The following CCDC91 variants were observed in gnomAD, a reference collection of about 807,000 sequenced individuals.
CCDC91 encodes the protein coiled-coil domain-containing protein 91.
A neutral mutation model predicts 63.2 loss-of-function variants in CCDC91; 48 were observed. The observed-to-expected ratio is 0.76, with a 90% confidence interval of 0.60 to 0.97. The LOEUF is 0.97. Ranked by LOEUF, CCDC91 falls within the 50% of genes least tolerant of loss-of-function variation. CCDC91 has a pLI of 0.00. For synonymous variants in CCDC91, 167 were observed against 165.8 expected (o/e 1.01, Z -0.06); for missense variants, 500 against 494.6 (o/e 1.01, Z -0.10).
intron 1 of CCDC91, chr12:28,236,556 T>C (rs990287264): frequency 1.3e-5 from 2 of 152,022 alleles, no homozygotes; most frequent in African/African-American, 4.8e-5. Context: ...TATAAAAGTT[T>C]ATAAATTATA....
Position 28,473,710 on chromosome 12 carries a change from G to T in CCDC91, c.1102-10342G>T, listed in dbSNP as rs1232665223. ...CAACAAATCATCTGACTCATGAAGA[G>T]CCAAGAAAACTACTCAAAAATCATT... On this transcript the variant is annotated intron_variant, in intron 11 of 12. Transcript: ENST00000536442. 5.9e-5 allele frequency among the ~76,000 whole-genome samples: 9 copies of T among 152,062 alleles called. No homozygotes were observed. In the East Asian group the frequency reaches 1.5e-3, roughly 26 times the overall value.
chr12:28,203,118 T>C (rs550007636), intron 1 of CCDC91, among the ~76,000 whole-genome samples: 9 of 152,338 alleles, frequency 5.9e-5, no homozygotes, highest in African/African-American at 2.2e-4. Context: ...TTTATTGTGA[T>C]TTTTGAGCCT....
At chr12:28,371,975 T>C (rs753609731) in intron 7 of CCDC91, among the ~76,000 whole-genome samples, 1 of 152,236 alleles carries the variant, frequency 6.6e-6, no homozygotes, top group South Asian at 2.1e-4. Context: ...TTTTGGGTCT[T>C]AGATTTAAGT....
rs1555168627 is a variant in CCDC91 at position 28,259,482 on chromosome 12, T to TTC, written c.109+40_109+41insTC. 1,972 of 1,280,074 alleles carry TTC rather than the reference T, an allele frequency of 1.5e-3. 4 individuals carry two copies. Among genetic ancestry groups the TTC allele is most frequent in the East Asian group, 3.6e-3 (149 of 40,966 alleles). The allele number at this position is 1,280,074 out of a possible 1,614,324, so 79.3% of individuals were successfully genotyped here. On this transcript the variant is annotated intron_variant, in intron 3 of 12. Transcript: ENST00000536442. ...GAATTAGGGTTTTTTTTTTTTTTTT[T>TTC]CCCATGTAACATTTTTGGCAACTCT... is the stretch of plus-strand genomic sequence containing the variant.
intron 11 of CCDC91, among the ~76,000 whole-genome samples, chr12:28,474,588 C>T (rs997517304): frequency 9.2e-5 from 14 of 151,880 alleles, no homozygotes; most frequent in African/African-American, 3.1e-4. Context: ...TATAGATTTA[C>T]TCAAATCCAT....
At chr12:28,430,446 A>C (rs1432225121) in intron 8 of CCDC91, among the ~76,000 whole-genome samples, 1 of 152,104 alleles carries the variant, frequency 6.6e-6, no homozygotes, top group South Asian at 2.1e-4. Context: ...TATTACTAAC[A>C]TTATATTTAT....
chr12:28,243,281 G>A (rs781174397), intron 1 of CCDC91, among the ~76,000 whole-genome samples: 7 of 152,122 alleles, frequency 4.6e-5, no homozygotes, highest in Non-Finnish European at 8.8e-5. Context: ...ACTGGGAGGC[G>A]ATCGTATAAG....
chr12:28,375,806 G>T (rs191382545), intron 7 of CCDC91, among the ~76,000 whole-genome samples: 32 of 151,910 alleles, frequency 2.1e-4, no homozygotes, highest in African/African-American at 7.0e-4. Flanking sequence ...ATATGCACTC[G>T]CTCAGACTTC....
At chr12:28,450,865 T>G (rs1052501081) in intron 10 of CCDC91, among the ~76,000 whole-genome samples, 1 of 151,730 alleles carries the variant, frequency 6.6e-6, no homozygotes, top group Non-Finnish European at 1.5e-5. Flanking sequence ...AAAATTAAAT[T>G]TAGCAAACAA....
At chr12:28,196,938 A>G (rs1293365280) in intron 1 of CCDC91, among the ~76,000 whole-genome samples, 5 of 152,126 alleles carry the variant, frequency 3.3e-5, no homozygotes, top group African/African-American at 9.7e-5. Flanking sequence ...TGTAATGGTT[A>G]TGGGTTATTG....
At chr12:28,289,612 T>C (rs367783817) in intron 3 of CCDC91, among the ~76,000 whole-genome samples, 1 of 152,024 alleles carries the variant, frequency 6.6e-6, no homozygotes, top group South Asian at 2.1e-4. Context: ...GTGGTCAGTT[T>C]CAGAATACAT....
chr12:28,510,093 G>T (rs1052687120), intron 12 of CCDC91, among the ~76,000 whole-genome samples: 2 of 151,198 alleles, frequency 1.3e-5, no homozygotes, highest in Non-Finnish European at 2.9e-5. Context: ...TGGAGAAGCT[G>T]GTTTTTGATA....
intron 6 of CCDC91, among the ~76,000 whole-genome samples, chr12:28,346,563 G>GT (rs1942827668): frequency 6.6e-6 from 1 of 152,180 alleles, no homozygotes; most frequent in South Asian, 2.1e-4. Context: ...TATTGAATTC[G>GT]TTTTTTGCTT....
intron 3 of CCDC91, among the ~76,000 whole-genome samples, chr12:28,271,056 G>A (rs1423799338): frequency 3.9e-5 from 6 of 152,100 alleles, no homozygotes; most frequent in Non-Finnish European, 7.4e-5. Context: ...CCAGCATAGC[G>A]TGTAATAAAG....
intron 3 of CCDC91, among the ~76,000 whole-genome samples, chr12:28,292,312 C>T (rs1484656711): frequency 6.6e-6 from 1 of 152,130 alleles, no homozygotes. Flanking sequence ...GAAAGTCTAC[C>T]GTTTTCAATT....
chr12:28,305,527 C>G lies in CCDC91; in HGVS notation c.110-122C>G, dbSNP rs538892956. The stretch of plus-strand genomic sequence containing the variant: ...GAATCCTGATTTTTCACTCTCATTG[C>G]TTTTACTTTCCTTACTTTTTTCTTT... On this transcript the variant is annotated intron_variant, in intron 3 of 12. Transcript: ENST00000536442. 2.0e-4 allele frequency: 168 copies of G among 833,214 alleles called. 3 individuals are homozygous for G. The South Asian group carries it at 3.8e-3, about 19-fold the overall frequency. 51.6% of individuals were successfully genotyped at this position (833,214 alleles called of 1,614,324 possible).
intron 8 of CCDC91, among the ~76,000 whole-genome samples, chr12:28,437,436 T>C (rs1948969224): frequency 6.6e-6 from 1 of 152,098 alleles, no homozygotes; most frequent in South Asian, 2.1e-4. Flanking sequence ...CTTTTACAAA[T>C]AATCCATTGT....
rs1234547708 is a variant in CCDC91, at chr12:28,411,225, G to A, written c.762+19814G>A. On this transcript the variant is annotated intron_variant, in intron 8 of 12. Transcript: ENST00000536442. Reference sequence around the variant, plus strand: ...TCAGACATTGTTACAGATTTTTTAAGGTTTTCTTTTTGAAAAAAAAAAGTA... The same window carrying A: ...TCAGACATTGTTACAGATTTTTTAAAGTTTTCTTTTTGAAAAAAAAAAGTA... Among the ~76,000 whole-genome samples, 8 of 151,358 alleles carry A rather than the reference G, an allele frequency of 5.3e-5. No individual in the cohort carries two copies. The East Asian group carries it at 1.5e-3, about 29-fold the overall frequency.
At chr12:28,396,986 T>G (rs192535563) in intron 8 of CCDC91, among the ~76,000 whole-genome samples, 33 of 152,192 alleles carry the variant, frequency 2.2e-4, no homozygotes, top group African/African-American at 7.7e-4. Context: ...CCTAAGTATA[T>G]AGATGGTCAT....
Sources: allele counts gnomAD v4.1 joint callset (sites outside exome capture counted in the v4.1 genomes callset), GRCh38; gene constraint gnomAD v4.1.1; transcripts MANE v1.5; gene names NCBI Gene and HGNC (gene_info 2026-07-23, HGNC 2026-07-21).